Variants in GYPC observed in about 807,000 individuals in gnomAD.
The protein encoded by GYPC is glycophorin C (Gerbich blood group).
GYPC carries 14 observed loss-of-function variants against 12.6 expected under a neutral mutation model. That is an observed-to-expected ratio of 1.11 (90% confidence interval 0.74 to 1.74). The LOEUF (loss-of-function observed/expected upper bound fraction) is 1.74. Among genes scored for constraint, GYPC ranks in the 40% most tolerant of loss-of-function variants. The pLI, the probability that GYPC is intolerant of heterozygous loss-of-function variation, is 0.00. For missense variants in GYPC, 225 were observed against 172.1 expected, an observed-to-expected ratio of 1.31 and a Z score of -1.72; for synonymous variants, 78 against 62.1, an observed-to-expected ratio of 1.26 and a Z score of -1.20.
intron 1 of GYPC, among the ~76,000 whole-genome samples, chr2:126,676,757 A>T (rs527418541): frequency 6.6e-6 from 1 of 152,270 alleles, no homozygotes; most frequent in Admixed American, 6.5e-5. Flanking sequence ...GATGTGGCAG[A>T]GGGGTGGTGG....
intron 1 of GYPC, among the ~76,000 whole-genome samples, chr2:126,664,777 G>A (rs1296355403): frequency 1.3e-5 from 2 of 152,192 alleles, no homozygotes; most frequent in Non-Finnish European, 2.9e-5. Context: ...TGCTCCCAGG[G>A]CTCTGATCCT....
chr2:126,686,089 T>C, intron 1 of GYPC: 1 of 984,976 alleles, frequency 1.0e-6, no homozygotes, highest in Non-Finnish European at 1.2e-6. Flanking sequence ...CCGGGAAATG[T>C]AAAGACCAGC....
chr2:126,677,543 A>AGTCTGTG (rs1558885013), intron 1 of GYPC, among the ~76,000 whole-genome samples: 49 of 136,006 alleles, frequency 3.6e-4, no homozygotes, highest in African/African-American at 1.5e-3. Context: ...GTCTGTGTGT[A>AGTCTGTG]TGTGAGTGTG....
At chr2:126,676,118 G>A (rs1403530915) in intron 1 of GYPC, among the ~76,000 whole-genome samples, 2 of 152,178 alleles carry the variant, frequency 1.3e-5, no homozygotes, top group South Asian at 2.1e-4. Flanking sequence ...ATCCACCCCT[G>A]TAACTGCCTC....
At chr2:126,680,938 A>T (rs1223547498) in intron 1 of GYPC, among the ~76,000 whole-genome samples, 1 of 152,182 alleles carries the variant, frequency 6.6e-6, no homozygotes, top group Admixed American at 6.5e-5. Flanking sequence ...TCCAGTGGGA[A>T]CCTGGAGCAA....
rs770458644 is a variant in GYPC at position 126,656,249 on chromosome 2, G to T, written c.-15G>T. On this transcript the variant is annotated 5_prime_UTR_variant, in exon 1 of 4. Transcript: ENST00000259254. ...GGCCAGTCCCCGCGGTCTCTGCCCGGGCTGACGCCCAGGAATGTGGTCGAC... is the reference window on the plus strand; with the variant it reads ...GGCCAGTCCCCGCGGTCTCTGCCCGTGCTGACGCCCAGGAATGTGGTCGAC... 6.2e-7 allele frequency: 1 copy of T among 1,600,130 alleles called. No individual in the cohort carries two copies. The highest frequency in any genetic ancestry group is 1.7e-5 in the Admixed American group (1 of 59,128).
intron 1 of GYPC, chr2:126,686,682 C>A: frequency 1.0e-6 from 1 of 985,304 alleles, no homozygotes; most frequent in African/African-American, 1.7e-5. Flanking sequence ...ACCTTGCAAC[C>A]TGGAGGAGGG....
chr2:126,688,633 T>G (rs769040884), intron 1 of GYPC, among the ~76,000 whole-genome samples: 9 of 152,168 alleles, frequency 5.9e-5, no homozygotes, highest in Non-Finnish European at 1.3e-4. Context: ...CTGGGTCTCT[T>G]GGCGGCCTCA....
At chr2:126,680,741 T>C (rs1683129586) in intron 1 of GYPC, among the ~76,000 whole-genome samples, 1 of 152,236 alleles carries the variant, frequency 6.6e-6, no homozygotes, top group Non-Finnish European at 1.5e-5. Context: ...GTACTGTCTC[T>C]TTTCCACAAC....
intron 1 of GYPC, among the ~76,000 whole-genome samples, chr2:126,674,937 A>G (rs991437867): frequency 6.6e-6 from 1 of 152,252 alleles, no homozygotes; most frequent in Non-Finnish European, 1.5e-5. Flanking sequence ...ACATACTTGT[A>G]TTCAAACAAT....
chr2:126,660,688 G>A (rs970545537), intron 1 of GYPC, among the ~76,000 whole-genome samples: 5 of 152,076 alleles, frequency 3.3e-5, no homozygotes, highest in African/African-American at 4.8e-5. Context: ...CAAGGCCCAC[G>A]CTCCCAGGAC....
chr2:126,696,234 A>G lies in GYPC; in HGVS notation c.*92A>G. ...CCAGCACCCCTGCTGATACCACCAG[A>G]CAGAGAGAGAGAGCACTTGATTCTT... On this transcript the variant is annotated 3_prime_UTR_variant, in exon 4 of 4. Coordinates refer to ENST00000259254, the MANE Select transcript of GYPC (RefSeq NM_002101.5). 1 of 912,696 alleles carries G rather than the reference A, an allele frequency of 1.1e-6. No individual in the cohort carries two copies. The highest frequency in any genetic ancestry group is 1.8e-6 in the Non-Finnish European group (1 of 563,226). 56.5% of individuals were successfully genotyped at this position (912,696 alleles called of 1,614,324 possible). A position where few individuals can be genotyped will look rare whatever the true frequency, so the allele number is the denominator to read the frequency against.
intron 1 of GYPC, among the ~76,000 whole-genome samples, chr2:126,682,892 C>T (rs1056289953): frequency 2.6e-5 from 4 of 152,210 alleles, no homozygotes; most frequent in African/African-American, 7.2e-5. Flanking sequence ...CCACTAGAAT[C>T]GCCTCCTCCC....
At chr2:126,677,988 A>G (rs1428530849) in intron 1 of GYPC, among the ~76,000 whole-genome samples, 2 of 152,288 alleles carry the variant, frequency 1.3e-5, no homozygotes, top group African/African-American at 2.4e-5. Flanking sequence ...TTGGGAGGCC[A>G]AGGTGGGCGG....
At chr2:126,692,654 G>A (rs530062660) in intron 2 of GYPC, among the ~76,000 whole-genome samples, 12 of 152,192 alleles carry the variant, frequency 7.9e-5, no homozygotes, top group South Asian at 2.1e-4. Context: ...GAAACATCCC[G>A]GTCCCCAATG....
At chr2:126,672,370 G>A (rs1194761026) in intron 1 of GYPC, among the ~76,000 whole-genome samples, 1 of 152,116 alleles carries the variant, frequency 6.6e-6, no homozygotes, top group Non-Finnish European at 1.5e-5. Context: ...GAAATGGGGG[G>A]CTTCACACAG....
chr2:126,679,075 T>C (rs1683089853), intron 1 of GYPC, among the ~76,000 whole-genome samples: 1 of 152,262 alleles, frequency 6.6e-6, no homozygotes, highest in Admixed American at 6.5e-5. Flanking sequence ...TACCTAATTA[T>C]GCTGAAAATG....
At chr2:126,658,504 A>G (rs1056064991) in intron 1 of GYPC, 1 of 152,252 alleles carries the variant, frequency 6.6e-6, no homozygotes, top group Non-Finnish European at 1.5e-5. Flanking sequence ...CTGTATGTAC[A>G]TCTATGCCTC....
Position 126,694,396 on chromosome 2 carries a change from C to A in GYPC, c.190+449C>A, listed in dbSNP as rs368978454. On this transcript the variant is annotated intron_variant, in intron 3 of 3. Coordinates refer to ENST00000259254, the MANE Select transcript of GYPC (RefSeq NM_002101.5). ...CTTGCTTTGAACCCTGGGCAAGGGG[C>A]TCCCCATGGGTCATGGCTGTGACTG... is the stretch of plus-strand genomic sequence containing the variant. Among the ~76,000 whole-genome samples the A allele has an allele frequency of 3.3e-5, 5 of 152,252 alleles. No individual in the cohort carries two copies. In the East Asian group the frequency reaches 5.8e-4, roughly 18 times the overall value.
Sources: gnomAD v4.1 joint callset for allele counts (sites outside exome capture counted in the v4.1 genomes callset) on GRCh38, gnomAD v4.1.1 for gene constraint, MANE v1.5 for transcripts, NCBI Gene and HGNC (gene_info 2026-07-23, HGNC 2026-07-21) for gene names.